Variants in SOX6 observed in about 807,000 individuals in gnomAD.
SOX6 encodes the protein SRY-box transcription factor 6, also known as transcription factor SOX-6.
In SOX6, 11 loss-of-function variants were observed where a neutral mutation model predicts 97.8. That is an observed-to-expected ratio of 0.11 (90% CI 0.07 to 0.19). The LOEUF is 0.19. SOX6 is among the 10% of genes least tolerant of loss of function. The probability of loss-of-function intolerance (pLI) is 1.00; values close to 1 mark genes in which losing one functional copy is unlikely to be tolerated. For missense variants in SOX6, 810 were observed against 1,039.5 expected, an observed-to-expected ratio of 0.78 and a Z score of 3.04; for synonymous variants, 360 against 371.4, an observed-to-expected ratio of 0.97 and a Z score of 0.35.
intron 4 of SOX6, among the ~76,000 whole-genome samples, chr11:16,198,355 G>T (rs529311719): frequency 1.3e-5 from 2 of 149,600 alleles, no homozygotes; most frequent in South Asian, 4.2e-4. Context: ...GCCAATTCAA[G>T]ATTTTTAAAG....
intron 1 of SOX6, among the ~76,000 whole-genome samples, chr11:16,398,183 C>T (rs1226437707): frequency 6.6e-6 from 1 of 151,530 alleles, no homozygotes; most frequent in Non-Finnish European, 1.5e-5. Context: ...AGTTAGAGAG[C>T]CACTGCTCTA....
intron 3 of SOX6, among the ~76,000 whole-genome samples, chr11:16,625,494 CA>C (rs1848611816): frequency 6.6e-6 from 1 of 152,120 alleles, no homozygotes; most frequent in African/African-American, 2.4e-5. Context: ...TTCCTAACAA[CA>C]GAGTTCCTAA....
chr11:16,560,620 T>C (rs559558093), intron 4 of SOX6, among the ~76,000 whole-genome samples: 1 of 140,126 alleles, frequency 7.1e-6, no homozygotes, highest in Non-Finnish European at 1.6e-5. Context: ...TACGTACATA[T>C]ATGTTTATAC....
intron 6 of SOX6, among the ~76,000 whole-genome samples, chr11:16,182,094 ATAAG>A (rs1851361853): frequency 6.6e-6 from 1 of 151,826 alleles, no homozygotes; most frequent in Non-Finnish European, 1.5e-5. Context: ...ACAATCATAT[ATAAG>A]TAATACACAC....
At chr11:16,199,041 A>G (rs1371776235) in intron 4 of SOX6, among the ~76,000 whole-genome samples, 1 of 152,236 alleles carries the variant, frequency 6.6e-6, no homozygotes, top group Non-Finnish European at 1.5e-5. Context: ...TTTTGTGCTC[A>G]GTAAATTTGA....
intron 12 of SOX6, among the ~76,000 whole-genome samples, chr11:16,025,029 G>T (rs183737318): frequency 1.1e-3 from 168 of 152,174 alleles, no homozygotes; most frequent in Non-Finnish European, 2.0e-3. Context: ...GACCCTTTTA[G>T]GCTTGGAAGC....
chr11:15,978,833 C>T (rs1475396624), intron 15 of SOX6, among the ~76,000 whole-genome samples: 1 of 130,276 alleles, frequency 7.7e-6, no homozygotes, highest in Non-Finnish European at 1.6e-5. Flanking sequence ...TTATATATAA[C>T]ATATCAGCAT....
At chr11:15,990,276 T>C (rs1182959687) in intron 13 of SOX6, among the ~76,000 whole-genome samples, 1 of 152,204 alleles carries the variant, frequency 6.6e-6, no homozygotes, top group African/African-American at 2.4e-5. Context: ...TAAGCAAAGA[T>C]TATTTGGTTT....
intron 13 of SOX6, among the ~76,000 whole-genome samples, chr11:15,993,336 C>T (rs1158332017): frequency 1.3e-5 from 2 of 152,114 alleles, no homozygotes; most frequent in East Asian, 3.9e-4. Context: ...TCTTAAATAG[C>T]CAGTAGTCTG....
intron 12 of SOX6, among the ~76,000 whole-genome samples, chr11:16,031,944 T>C (rs1291371993): frequency 6.6e-6 from 1 of 151,944 alleles, no homozygotes; most frequent in Non-Finnish European, 1.5e-5. Flanking sequence ...GACAAGCAAA[T>C]TGAGACAGTG....
Position 16,524,263 on chromosome 11 carries a change from C to G in SOX6, n.610-47875G>C, listed in dbSNP as rs1381907923. ...TGGCAAACCGAATCCAGCAGCACAT[C>G]AAAAAGCTTATCCACCATGATCAAG... On this transcript the variant is annotated intron_variant and non_coding_transcript_variant, in intron 4 of 5. Coordinates refer to the SOX6 transcript ENST00000524520. 2.6e-5 allele frequency among the ~76,000 whole-genome samples: 4 copies of G among 151,600 alleles called. No individual in the cohort carries two copies. The East Asian group carries it at 7.8e-4, about 29-fold the overall frequency.
chr11:16,209,402 G>A lies in SOX6; in HGVS notation c.536-22447C>T, dbSNP rs77809073. ...AGCTCTATGCAAACTGAGTTAACTG[G>A]TTCCCCAATTCTAAGACATACTAGA... On this transcript the variant is annotated intron_variant, in intron 4 of 15. Coordinates refer to ENST00000683767, the MANE Select transcript of SOX6 (RefSeq NM_001367873.1). Among the ~76,000 whole-genome samples the A allele has an allele frequency of 2.8e-3, 432 of 152,106 alleles. 2 individuals carry two copies. Among genetic ancestry groups the A allele is most frequent in the Non-Finnish European group, 4.4e-3 (298 of 68,002 alleles).
chr11:16,698,814 T>C (rs1328011964), intron 3 of SOX6, among the ~76,000 whole-genome samples: 2 of 152,174 alleles, frequency 1.3e-5, no homozygotes, highest in Non-Finnish European at 2.9e-5. Flanking sequence ...ACACAACTCT[T>C]ATCAATTAGG....
chr11:16,552,236 C>A (rs960234664), intron 4 of SOX6, among the ~76,000 whole-genome samples: 1 of 152,010 alleles, frequency 6.6e-6, no homozygotes, highest in South Asian at 2.1e-4. Flanking sequence ...TAAAAAAACT[C>A]TCTGAATCAT....
intron 4 of SOX6, among the ~76,000 whole-genome samples, chr11:16,204,407 G>C (rs1002389885): frequency 6.6e-6 from 1 of 151,996 alleles, no homozygotes; most frequent in African/African-American, 2.4e-5. Flanking sequence ...CTGGAGGAAG[G>C]GAGAGGACAT....
chr11:16,513,843 T>C (rs1274191380), intron 4 of SOX6, among the ~76,000 whole-genome samples: 11 of 152,092 alleles, frequency 7.2e-5, no homozygotes, highest in Admixed American at 7.2e-4. Flanking sequence ...ATAAAAAAGA[T>C]GAGACTCAAA....
At chr11:16,538,554 T>C (rs1368775974) in intron 4 of SOX6, among the ~76,000 whole-genome samples, 1 of 151,990 alleles carries the variant, frequency 6.6e-6, no homozygotes, top group Non-Finnish European at 1.5e-5. Context: ...TCAAGACCCA[T>C]CAGTGTACTG....
chr11:16,183,852 G>A, intron 6 of SOX6, 34 bp downstream of exon 6: 1 of 1,592,942 alleles, frequency 6.3e-7, no homozygotes, highest in Non-Finnish European at 8.6e-7. Flanking sequence ...AAGTATCTAA[G>A]TATAATCAGA....
rs1564886266 is a variant in SOX6 at position 15,972,022 on chromosome 11, C to CTG, written c.*785_*786dup. 7 of 152,654 alleles carry CTG rather than the reference C, an allele frequency of 4.6e-5. No homozygotes were observed. The South Asian group carries it at 6.2e-4, about 14-fold the overall frequency. 9.5% of individuals were successfully genotyped at this position (152,654 alleles called of 1,614,324 possible). On this transcript the variant is annotated 3_prime_UTR_variant, in exon 16 of 16. Coordinates refer to ENST00000683767, the MANE Select transcript of SOX6 (RefSeq NM_001367873.1). Reference sequence around the variant, plus strand: ...TGTGTATGTCATACCACATCACGCACTGATGGCACGTCAACAGGCAAACAC... The same window carrying CTG: ...TGTGTATGTCATACCACATCACGCACTGTGATGGCACGTCAACAGGCAAACAC...
Sources: gnomAD v4.1 joint callset for allele counts (sites outside exome capture counted in the v4.1 genomes callset) on GRCh38, gnomAD v4.1.1 for gene constraint, MANE v1.5 for transcripts, NCBI Gene and HGNC (gene_info 2026-07-23, HGNC 2026-07-21) for gene names.